The following RALA variants were observed in gnomAD, a reference collection of about 807,000 sequenced individuals.
The protein encoded by RALA is RAS like proto-oncogene A.
A neutral mutation model predicts 24.0 loss-of-function variants in RALA; 5 were observed. The ratio of observed to expected loss-of-function variants is 0.21; its 90% confidence interval spans 0.11 to 0.44. The LOEUF is 0.44. RALA is among the 20% of genes least tolerant of loss of function. The probability of loss-of-function intolerance (pLI) is 0.99; values close to 1 mark genes in which losing one functional copy is unlikely to be tolerated. For missense variants in RALA, 95 were observed against 241.2 expected, an observed-to-expected ratio of 0.39 and a Z score of 4.01; for synonymous variants, 77 against 83.8, an observed-to-expected ratio of 0.92 and a Z score of 0.44.
At chr7:39,697,008 T>C (rs971058745) in intron 4 of RALA, 149 bp downstream of exon 4, 20 of 740,852 alleles carry the variant, frequency 2.7e-5, no homozygotes, top group Non-Finnish European at 3.9e-5. Flanking sequence ...CAGATACATG[T>C]TAGGAATTTT....
chr7:39,664,655 A>G (rs1192766705), intron 1 of RALA, among the ~76,000 whole-genome samples: 1 of 152,200 alleles, frequency 6.6e-6, no homozygotes, highest in Non-Finnish European at 1.5e-5. Context: ...CATTGAAGAT[A>G]CCATCATTGT....
In RALA at chr7:39,706,069, G is replaced by C. The variant is rs1380221232; in HGVS notation, c.499-54G>C. 84 of 1,488,156 alleles carry C rather than the reference G, an allele frequency of 5.6e-5. 3 individuals carry two copies. The South Asian group carries it at 1.0e-3, about 18-fold the overall frequency. The allele number at this position is 1,488,156 out of a possible 1,614,324, so 92.2% of individuals were successfully genotyped here. A position where few individuals can be genotyped will look rare whatever the true frequency, so the allele number is the denominator to read the frequency against. On this transcript the variant is annotated intron_variant, in intron 4 of 4. Coordinates refer to ENST00000005257, the MANE Select transcript of RALA (RefSeq NM_005402.4). ...AAGTTTACTGCTGTGATTTGGAGAA[G>C]TACCAAGTTCATGTATCTGTTTGCT... is the stretch of plus-strand genomic sequence containing the variant.
chr7:39,673,394 G>T (rs1366886899), intron 1 of RALA, among the ~76,000 whole-genome samples: 3 of 151,958 alleles, frequency 2.0e-5, no homozygotes, highest in African/African-American at 7.3e-5. Context: ...TATGTCTCAA[G>T]AACAGGTTGT....
At chr7:39,672,792 A>G (rs1341989703) in intron 1 of RALA, among the ~76,000 whole-genome samples, 1 of 152,204 alleles carries the variant, frequency 6.6e-6, no homozygotes, top group Non-Finnish European at 1.5e-5. Flanking sequence ...CTGAAATCCT[A>G]TCAGTGGCTG....
chr7:39,642,046 G>A (rs1357914934), intron 1 of RALA, among the ~76,000 whole-genome samples: 2 of 152,124 alleles, frequency 1.3e-5, no homozygotes, highest in African/African-American at 2.4e-5. Flanking sequence ...GGGTCATCTT[G>A]TATATTTTTC....
chr7:39,676,482 A>G (rs1583739829), intron 1 of RALA, among the ~76,000 whole-genome samples: 1 of 152,174 alleles, frequency 6.6e-6, no homozygotes, highest in African/African-American at 2.4e-5. Flanking sequence ...GAATATTTGC[A>G]TTATACTTAC....
chr7:39,650,250 C>G (rs542049864), intron 1 of RALA, among the ~76,000 whole-genome samples: 1 of 152,182 alleles, frequency 6.6e-6, no homozygotes, highest in African/African-American at 2.4e-5. Flanking sequence ...GTTGGCAAAC[C>G]CCAGCTCTGG....
chr7:39,629,678 C>T (rs1383022802), intron 1 of RALA, among the ~76,000 whole-genome samples: 2 of 152,206 alleles, frequency 1.3e-5, no homozygotes, highest in Non-Finnish European at 2.9e-5. Flanking sequence ...TCACTGCAAC[C>T]TCTGCCTCCT....
intron 4 of RALA, among the ~76,000 whole-genome samples, chr7:39,698,111 A>G (rs943406309): frequency 6.6e-6 from 1 of 152,074 alleles, no homozygotes; most frequent in Non-Finnish European, 1.5e-5. Context: ...ATTTCCTTAT[A>G]CCTTCCTGCT....
At chr7:39,671,963 T>C (rs552871040) in intron 1 of RALA, among the ~76,000 whole-genome samples, 2 of 152,324 alleles carry the variant, frequency 1.3e-5, no homozygotes, top group South Asian at 4.1e-4. Context: ...ATGTCATTTT[T>C]TTGACTTCCT....
intron 1 of RALA, among the ~76,000 whole-genome samples, chr7:39,624,904 AGT>A (rs1241604898): frequency 3.3e-5 from 5 of 152,222 alleles, no homozygotes; most frequent in African/African-American, 1.2e-4. Context: ...AATGTATTTC[AGT>A]GTGTCTTATT....
At chr7:39,629,405 A>G (rs1791551728) in intron 1 of RALA, among the ~76,000 whole-genome samples, 1 of 151,860 alleles carries the variant, frequency 6.6e-6, no homozygotes, top group African/African-American at 2.4e-5. Context: ...TTATTTGCTC[A>G]CTTTCTTTTC....
intron 1 of RALA, 57 bp from the exon 2 acceptor site, chr7:39,686,574 C>T: frequency 1.0e-6 from 1 of 995,064 alleles, no homozygotes; most frequent in Non-Finnish European, 1.6e-6. Context: ...CTCTTTCTTA[C>T]ACTGGAATTC....
At chr7:39,650,817 A>AG (rs1237918381) in intron 1 of RALA, among the ~76,000 whole-genome samples, 1 of 152,238 alleles carries the variant, frequency 6.6e-6, no homozygotes, top group East Asian at 1.9e-4. Context: ...TCAAAGTGTC[A>AG]GCCAGGGCTG....
intron 1 of RALA, among the ~76,000 whole-genome samples, chr7:39,674,274 G>T (rs1291173229): frequency 2.6e-5 from 4 of 151,964 alleles, no homozygotes; most frequent in Non-Finnish European, 5.9e-5. Flanking sequence ...GTTTCCATGT[G>T]ATTAAGTGAA....
At chr7:39,684,793 C>T (rs1317037176) in intron 1 of RALA, among the ~76,000 whole-genome samples, 4 of 151,828 alleles carry the variant, frequency 2.6e-5, no homozygotes, top group Non-Finnish European at 4.4e-5. Context: ...TTCAAAGGGC[C>T]GCATGTGGCC....
At chr7:39,695,619 G>A (rs989994021) in intron 3 of RALA, among the ~76,000 whole-genome samples, 1 of 152,026 alleles carries the variant, frequency 6.6e-6, no homozygotes, top group Non-Finnish European at 1.5e-5. Flanking sequence ...GCCTGGGCTG[G>A]TATTGAACTC....
At chr7:39,699,588 A>T (rs1211216878) in intron 4 of RALA, among the ~76,000 whole-genome samples, 1 of 152,250 alleles carries the variant, frequency 6.6e-6, no homozygotes. Flanking sequence ...GTTTTGCCCA[A>T]CCATTAAAAA....
rs1008992438 is a variant in RALA, at chr7:39,623,646, T to TCTC, written c.-194_-192dup. On this transcript the variant is annotated 5_prime_UTR_variant, in exon 1 of 5. Coordinates refer to ENST00000005257, the MANE Select transcript of RALA (RefSeq NM_005402.4). This position sits in a 1 kb window ranked among gnomAD's most constrained non-coding sequence, Gnocchi z 4.9. ...AAAGCGTCGGAGTCCTCCTCCTCCTTCTCCTCCTCCTCCTCCTCCTCCTCC... is the reference window on the plus strand; with the variant it reads ...AAAGCGTCGGAGTCCTCCTCCTCCTTCTCCTCCTCCTCCTCCTCCTCCTCCTCC... 283 of 152,376 alleles carry TCTC rather than the reference T, an allele frequency of 1.9e-3. 1 individual carries two copies. The highest frequency in any genetic ancestry group is 1.6e-3 in the South Asian group (9 of 5,508). 9.4% of individuals were successfully genotyped at this position (152,376 alleles called of 1,614,324 possible).
Sources: gnomAD v4.1 joint callset for allele counts (sites outside exome capture counted in the v4.1 genomes callset) on GRCh38, gnomAD v4.1.1 for gene constraint, Gnocchi (gnomAD v3.1) non-coding constraint, MANE v1.5 for transcripts, NCBI Gene and HGNC (gene_info 2026-07-23, HGNC 2026-07-21) for gene names.